Variants in RSU1 observed in about 807,000 individuals in gnomAD.
The protein encoded by RSU1 is Ras suppressor protein 1, also known as rsu-1.
In RSU1, 26 loss-of-function variants were observed where a neutral mutation model predicts 31.1. The observed-to-expected ratio is 0.84, with a 90% CI of 0.61 to 1.16. RSU1 has a LOEUF of 1.16. Ranked by LOEUF, RSU1 falls within the 50% of genes most tolerant of loss-of-function variation. RSU1 has a pLI of 0.00. For missense variants in RSU1, 320 were observed against 339.1 expected, an observed-to-expected ratio of 0.94 and a Z score of 0.44; for synonymous variants, 164 against 136.3, an observed-to-expected ratio of 1.20 and a Z score of -1.41.
At chr10:16,648,264 C>T (rs766143699) in intron 8 of RSU1, among the ~76,000 whole-genome samples, 20 of 152,068 alleles carry the variant, frequency 1.3e-4, no homozygotes, top group Non-Finnish European at 2.4e-4. Context: ...CCACACCTAG[C>T]GTTACGTGCT....
chr10:16,693,539 T>C (rs1835608432), intron 8 of RSU1, among the ~76,000 whole-genome samples: 1 of 152,170 alleles, frequency 6.6e-6, no homozygotes, highest in Non-Finnish European at 1.5e-5. Context: ...CTTCTAGCTT[T>C]CTTCCAATAG....
At chr10:16,646,087 CACAT>C (rs142735517) in intron 8 of RSU1, among the ~76,000 whole-genome samples, 2,767 of 115,796 alleles carry the variant, frequency 0.024, 235 homozygotes, top group Middle Eastern at 0.041. Flanking sequence ...CACACACACA[CACAT>C]ACATATATAA....
intron 8 of RSU1, among the ~76,000 whole-genome samples, chr10:16,666,882 A>G (rs1834999530): frequency 6.6e-6 from 1 of 152,086 alleles, no homozygotes; most frequent in African/African-American, 2.4e-5. Context: ...CCAGCTACTC[A>G]GGAGGCTAAA....
At chr10:16,755,795 G>A (rs935680134) in intron 4 of RSU1, among the ~76,000 whole-genome samples, 4 of 152,056 alleles carry the variant, frequency 2.6e-5, no homozygotes, top group African/African-American at 9.7e-5. Context: ...TCCCTGTTTC[G>A]ATGAGGTTTA....
chr10:16,764,493 C>T lies in RSU1; in HGVS notation c.178G>A (p.Ala60Thr), dbSNP rs141892985. ...NKLTMVPPNI[A>T]ELKNLEVLNF... is the part of the protein sequence containing the mutation. ...AGCACCTCCAAATTCTTCAGTTCTG[C>T]GATGTTCGGTGGCACCACTATGGAA... The change falls in exon 4 of 9, where the codon GCA (alanine) becomes ACA (threonine). Residue 60 changes from alanine to threonine, a missense_variant. Ala to Thr is a moderately conservative substitution (Grantham distance 58, BLOSUM62 0). Coordinates refer to ENST00000345264, the MANE Select transcript of RSU1 (RefSeq NM_012425.4). 1,756 of 1,613,440 alleles carry T rather than the reference C, an allele frequency of 1.1e-3. 2 individuals are homozygous for T. Among genetic ancestry groups the T allele is most frequent in the Non-Finnish European group, 1.4e-3 (1,642 of 1,179,676 alleles).
chr10:16,596,637 CCT>C (rs1229446288), intron 8 of RSU1, among the ~76,000 whole-genome samples: 7 of 152,216 alleles, frequency 4.6e-5, no homozygotes, highest in African/African-American at 1.7e-4. Context: ...AGAGATCTTT[CCT>C]CTGTTTCCCA....
At chr10:16,755,482 ATACT>A (rs1252603030) in intron 4 of RSU1, among the ~76,000 whole-genome samples, 3 of 151,950 alleles carry the variant, frequency 2.0e-5, no homozygotes, top group Non-Finnish European at 4.4e-5. Flanking sequence ...AAGATTGTAC[ATACT>A]TATGGTGTAC....
chr10:16,813,335 T>C (rs1459436425), intron 2 of RSU1, among the ~76,000 whole-genome samples: 7 of 152,190 alleles, frequency 4.6e-5, no homozygotes, highest in Non-Finnish European at 1.0e-4. Flanking sequence ...CAGGTTCTAA[T>C]AAGCCACACA....
chr10:16,697,294 A>C (rs368565958), intron 7 of RSU1, among the ~76,000 whole-genome samples: 1 of 152,216 alleles, frequency 6.6e-6, no homozygotes, highest in African/African-American at 2.4e-5. Flanking sequence ...TCATGCCTCT[A>C]ATCTCTGCCC....
At chr10:16,722,557 G>T (rs1210314022) in intron 7 of RSU1, among the ~76,000 whole-genome samples, 2 of 152,076 alleles carry the variant, frequency 1.3e-5, no homozygotes, top group Non-Finnish European at 2.9e-5. Flanking sequence ...TATCATCTGG[G>T]GTATCAGGTG....
chr10:16,718,505 A>G (rs1384976428), intron 7 of RSU1, among the ~76,000 whole-genome samples: 1 of 152,212 alleles, frequency 6.6e-6, no homozygotes, highest in African/African-American at 2.4e-5. Flanking sequence ...TGACATCAAC[A>G]AATGTGAACA....
At chr10:16,814,524 T>C (rs1407671886) in intron 2 of RSU1, among the ~76,000 whole-genome samples, 3 of 151,868 alleles carry the variant, frequency 2.0e-5, no homozygotes, top group Non-Finnish European at 4.4e-5. Flanking sequence ...ATTTTAATAC[T>C]TGTATATATT....
At chr10:16,727,891 G>A (rs1836430229) in intron 7 of RSU1, among the ~76,000 whole-genome samples, 1 of 152,148 alleles carries the variant, frequency 6.6e-6, no homozygotes, top group African/African-American at 2.4e-5. Flanking sequence ...GGGGCTAGAG[G>A]AGGGAGAACA....
Position 16,610,540 on chromosome 10 carries a change from C to T in RSU1, c.732-17044G>A, listed in dbSNP as rs75573691. Among the ~76,000 whole-genome samples, 192 of 152,238 alleles carry T rather than the reference C, an allele frequency of 1.3e-3. 2 individuals are homozygous for T. The East Asian group carries it at 0.034, about 27-fold the overall frequency. On this transcript the variant is annotated intron_variant, in intron 8 of 8. Coordinates refer to ENST00000345264, the MANE Select transcript of RSU1 (RefSeq NM_012425.4). ...TTACAGCTGCTCCCCATTGCACATG[C>T]GAGAGATCTAGGTTGCACGCTCCTT...
chr10:16,688,886 T>C (rs1239764648), intron 8 of RSU1, among the ~76,000 whole-genome samples: 1 of 151,784 alleles, frequency 6.6e-6, no homozygotes, highest in Non-Finnish European at 1.5e-5. Context: ...TGTGTGCCTG[T>C]AGTCCCAGGT....
intron 8 of RSU1, among the ~76,000 whole-genome samples, chr10:16,661,289 T>TGC (rs1227904090): frequency 2.7e-5 from 1 of 36,884 alleles, no homozygotes; most frequent in Non-Finnish European, 5.4e-5. Flanking sequence ...AGAGAGTGCG[T>TGC]GTGTGTGTGT....
intron 3 of RSU1, among the ~76,000 whole-genome samples, chr10:16,777,918 T>G (rs1588528813): frequency 6.6e-6 from 1 of 151,880 alleles, no homozygotes; most frequent in African/African-American, 2.4e-5. Context: ...TGGCTGCGAG[T>G]CCTTTGTGTG....
intron 2 of RSU1, among the ~76,000 whole-genome samples, chr10:16,801,997 A>G (rs1281339609): frequency 1.3e-5 from 2 of 152,036 alleles, no homozygotes; most frequent in African/African-American, 4.8e-5. Flanking sequence ...AATAAAATCA[A>G]TAATCTAAAC....
chr10:16,646,083 CACACACAT>C lies in RSU1; in HGVS notation c.731+48932_731+48939del, dbSNP rs144257157. On this transcript the variant is annotated intron_variant, in intron 8 of 8. Transcript: ENST00000345264. ...ATATACACACACACACACACACACA[CACACACAT>C]ACATATATAAATGTGCATTCAAAAC... 9.9e-5 allele frequency among the ~76,000 whole-genome samples: 13 copies of C among 130,944 alleles called. 2 individuals are homozygous for C. Among genetic ancestry groups the C allele is most frequent in the African/African-American group, 2.4e-4 (6 of 25,124 alleles). The allele number at this position is 130,944 out of a possible 152,430, so 85.9% of individuals were successfully genotyped here.
Sources: allele counts gnomAD v4.1 joint callset (sites outside exome capture counted in the v4.1 genomes callset), GRCh38; gene constraint gnomAD v4.1.1; transcripts MANE v1.5; gene names NCBI Gene and HGNC (gene_info 2026-07-23, HGNC 2026-07-21).